THOP1: variants seen among roughly 807,000 people sequenced by gnomAD.
The protein encoded by THOP1 is thimet oligopeptidase 1.
A neutral mutation model predicts 71.8 loss-of-function variants in THOP1; 49 were observed. The ratio of observed to expected loss-of-function variants is 0.68; its 90% CI spans 0.54 to 0.87. The LOEUF (loss-of-function observed/expected upper bound fraction) is 0.87. Among genes scored for constraint, THOP1 ranks in the 40% least tolerant of loss-of-function variants. The pLI is 0.00. For missense variants in THOP1, 843 were observed against 975.6 expected (o/e 0.86, Z 1.81); for synonymous variants, 426 against 421.5 (o/e 1.01, Z -0.13).
chr19:2,785,706 G>T, intron 1 of THOP1, 28 bp downstream of exon 1: 1 of 1,430,972 alleles, frequency 7.0e-7, no homozygotes, highest in African/African-American at 1.5e-5. Context: ...CGCCGGACCC[G>T]GGCGTCCCCT....
At position 2,804,971 on chromosome 19, in the gene THOP1, G is replaced by A. The variant is rs1285352949; in HGVS notation, c.590-45G>A. ...CCCTCACACGCTGTGTGCAGGCTGT[G>A]GGCCCATCAGTCCTGTCAAAGCCAC... is the stretch of plus-strand genomic sequence containing the variant. On this transcript the variant is annotated intron_variant, in intron 5 of 12. Coordinates refer to ENST00000307741, the MANE Select transcript of THOP1 (RefSeq NM_003249.5). The surrounding 1 kb of genome is among the most constrained non-coding windows in gnomAD (Gnocchi z 4.7). The A allele has an allele frequency of 1.3e-6, 2 of 1,580,880 alleles. No individual in the cohort carries two copies. The highest frequency in any genetic ancestry group is 1.7e-6 in the Non-Finnish European group (2 of 1,162,430).
At chr19:2,787,511 G>A (rs993988526) in intron 1 of THOP1, among the ~76,000 whole-genome samples, 5 of 152,098 alleles carry the variant, frequency 3.3e-5, no homozygotes, top group African/African-American at 1.2e-4. Context: ...TCCTTTCTGA[G>A]CCCCTGAAGC....
intron 4 of THOP1, 25 bp from the exon 5 acceptor site, chr19:2,799,664 C>G: frequency 6.3e-7 from 1 of 1,599,434 alleles, no homozygotes; most frequent in East Asian, 2.2e-5. Context: ...CTCTCCCTCC[C>G]CTCACGCCCC....
intron 4 of THOP1, among the ~76,000 whole-genome samples, chr19:2,798,970 C>G (rs1916081159): frequency 6.6e-6 from 1 of 152,232 alleles, no homozygotes; most frequent in African/African-American, 2.4e-5. Flanking sequence ...TGTTGATATC[C>G]CATATCACCA....
At chr19:2,790,744 AC>A in intron 2 of THOP1, 111 bp downstream of exon 2, 2 of 1,000,430 alleles carry the variant, frequency 2.0e-6, no homozygotes, top group Non-Finnish European at 2.8e-6. Flanking sequence ...TTGAAGTGTC[AC>A]CAGCACCCTG....
chr19:2,810,619 C>T (rs1384659912), intron 10 of THOP1, 21 bp from the exon 11 acceptor site: 22 of 1,546,512 alleles, frequency 1.4e-5, no homozygotes, highest in Non-Finnish European at 1.7e-5. Flanking sequence ...GAGGCCAGCT[C>T]TCTCCTTCCC....
At chr19:2,791,590 T>A (rs1915880679) in intron 2 of THOP1, among the ~76,000 whole-genome samples, 1 of 152,120 alleles carries the variant, frequency 6.6e-6, no homozygotes, top group South Asian at 2.1e-4. Flanking sequence ...TTCCGACAAG[T>A]GGCTTAGAGC....
At position 2,805,246 on chromosome 19, in the gene THOP1, G is replaced by A. The variant is rs927556926; in HGVS notation, c.750+70G>A. 50 of 1,506,680 alleles carry A rather than the reference G, an allele frequency of 3.3e-5. No individual in the cohort carries two copies. The highest frequency in any genetic ancestry group is 4.1e-5 in the Non-Finnish European group (46 of 1,123,660). The allele number at this position is 1,506,680 out of a possible 1,614,324, so 93.3% of individuals were successfully genotyped here. A position where few individuals can be genotyped will look rare whatever the true frequency, so the allele number is the denominator to read the frequency against. ...CTTGTGGGGCCCGTCTGCTCCATGT[G>A]TGTGAGGCACCTCCAGGCTTTGCAC... On this transcript the variant is annotated intron_variant, in intron 6 of 12. Coordinates refer to ENST00000307741, the MANE Select transcript of THOP1 (RefSeq NM_003249.5). This position sits in a 1 kb window ranked among gnomAD's most constrained non-coding sequence, Gnocchi z 6.6.
At chr19:2,806,668 T>C in intron 6 of THOP1, 2 of 560,898 alleles carry the variant, frequency 3.6e-6, no homozygotes, top group East Asian at 3.4e-5. Flanking sequence ...CAGCCCCTGG[T>C]CCCCATACCA....
rs2144776213 is a variant in THOP1 at position 2,805,248 on chromosome 19, G to A, written c.750+72G>A. The A allele has an allele frequency of 2.7e-6, 4 of 1,501,034 alleles. No individual in the cohort carries two copies. The highest frequency in any genetic ancestry group is 1.8e-6 in the Non-Finnish European group (2 of 1,119,840). 93.0% of individuals were successfully genotyped at this position (1,501,034 alleles called of 1,614,324 possible). The stretch of plus-strand genomic sequence containing the variant: ...TGTGGGGCCCGTCTGCTCCATGTGT[G>A]TGAGGCACCTCCAGGCTTTGCACTT... On this transcript the variant is annotated intron_variant, in intron 6 of 12. Coordinates refer to ENST00000307741, the MANE Select transcript of THOP1 (RefSeq NM_003249.5). The surrounding 1 kb of genome is among the most constrained non-coding windows in gnomAD (Gnocchi z 6.6).
Position 2,811,302 on chromosome 19 carries a change from G to A in THOP1, c.1772-296G>A, listed in dbSNP as rs566613025. ...TCAGCAGCGTGGCCTGTGATGTTGCGTGGGCGTGCCTTGCTTTATTGACGC... is the reference window on the plus strand; with the variant it reads ...TCAGCAGCGTGGCCTGTGATGTTGCATGGGCGTGCCTTGCTTTATTGACGC... On this transcript the variant is annotated intron_variant, in intron 11 of 12. Transcript: ENST00000307741. Among the ~76,000 whole-genome samples, 14 of 152,354 alleles carry A rather than the reference G, an allele frequency of 9.2e-5. No homozygotes were observed. In the East Asian group the frequency reaches 1.7e-3, roughly 19 times the overall value.
chr19:2,800,856 G>A (rs148958452), intron 5 of THOP1, among the ~76,000 whole-genome samples: 11 of 151,896 alleles, frequency 7.2e-5, no homozygotes, highest in Admixed American at 4.6e-4. Flanking sequence ...GCGGCCACCC[G>A]CACCGTCCCC....
In THOP1 at chr19:2,813,886, T is replaced by A. The variant is rs1916551238; in HGVS notation, c.*610T>A. The stretch of plus-strand genomic sequence containing the variant: ...CAGCTCTGGCCATCAAGGACCAGGC[T>A]CCACTGGTCAGAGAGTCTGGAAAGT... On this transcript the variant is annotated 3_prime_UTR_variant, in exon 13 of 13. Coordinates refer to ENST00000307741, the MANE Select transcript of THOP1 (RefSeq NM_003249.5). 6.6e-6 allele frequency: 1 copy of A among 152,386 alleles called. No individual in the cohort carries two copies. The highest frequency in any genetic ancestry group is 1.9e-4 in the East Asian group (1 of 5,186). 9.4% of individuals were successfully genotyped at this position (152,386 alleles called of 1,614,324 possible). A position where few individuals can be genotyped will look rare whatever the true frequency, so the allele number is the denominator to read the frequency against.
At position 2,794,799 on chromosome 19, in the gene THOP1, TC is replaced by T; in HGVS notation, c.270del (p.Ser91ProfsTer22). ...RNILDFPQHV[S>X]PSKDIRTAST... ...TATCCTTGACTTCCCCCAGCATGTTTCCCCCTCCAAGGACATCCGGACAGCC... is the reference window on the plus strand; with the variant it reads ...TATCCTTGACTTCCCCCAGCATGTTTCCCCTCCAAGGACATCCGGACAGCC... On this transcript the variant is annotated frameshift_variant, in exon 3 of 13. Transcript: ENST00000307741. LOFTEE classifies it high-confidence loss of function. The T allele has an allele frequency of 6.2e-7, 1 of 1,613,468 alleles. No individual in the cohort carries two copies. Among genetic ancestry groups the T allele is most frequent in the Non-Finnish European group, 8.5e-7 (1 of 1,179,782 alleles).
In THOP1 at chr19:2,785,552, G is replaced by C; in HGVS notation, c.-111G>C. 3 of 1,302,100 alleles carry C rather than the reference G, an allele frequency of 2.3e-6. No homozygotes were observed. Among genetic ancestry groups the C allele is most frequent in the Non-Finnish European group, 3.0e-6 (3 of 987,772 alleles). 80.7% of individuals were successfully genotyped at this position (1,302,100 alleles called of 1,614,324 possible). A position where few individuals can be genotyped will look rare whatever the true frequency, so the allele number is the denominator to read the frequency against. The stretch of plus-strand genomic sequence containing the variant: ...CGGGCCCCTTGGTCCTCAGGCGGCC[G>C]TGGCGGCGGTGGCGGCGGTTGGGCC... On this transcript the variant is annotated 5_prime_UTR_variant, in exon 1 of 13. Transcript: ENST00000307741.
At chr19:2,791,943 C>A (rs1915893120) in intron 2 of THOP1, among the ~76,000 whole-genome samples, 1 of 152,228 alleles carries the variant, frequency 6.6e-6, no homozygotes, top group African/African-American at 2.4e-5. Context: ...CACCCTCCCC[C>A]AGCCAGGGCC....
chr19:2,806,726 A>C, intron 6 of THOP1, 191 bp from the exon 7 acceptor site: 1 of 934,346 alleles, frequency 1.1e-6, no homozygotes, highest in Non-Finnish European at 1.6e-6. Flanking sequence ...CTGGTTCCAA[A>C]AAGGCCTTGG....
chr19:2,795,960 A>G (rs761753451), intron 3 of THOP1, 121 bp from the exon 4 acceptor site: 3 of 672,690 alleles, frequency 4.5e-6, no homozygotes, highest in African/African-American at 3.6e-5. Context: ...ATAAATGCCC[A>G]GGAGTGCAGT....
chr19:2,812,763 T>G (rs1916512127), intron 12 of THOP1, among the ~76,000 whole-genome samples: 2 of 152,260 alleles, frequency 1.3e-5, no homozygotes, highest in South Asian at 2.1e-4. Context: ...ACCTGGGCCT[T>G]TAGGGCGGCC....
Sources: gnomAD v4.1 joint callset for allele counts (sites outside exome capture counted in the v4.1 genomes callset) on GRCh38, gnomAD v4.1.1 for gene constraint, Gnocchi (gnomAD v3.1) non-coding constraint, MANE v1.5 for transcripts, NCBI Gene and HGNC (gene_info 2026-07-23, HGNC 2026-07-21) for gene names.